UGGT2: variants seen among roughly 807,000 people sequenced by gnomAD.
UGGT2 encodes the protein UDP-glucose glycoprotein glucosyltransferase 2, also known as UDP-glucose:glycoprotein glucosyltransferase 2.
Under a neutral mutation model 192.1 loss-of-function variants are expected in UGGT2, and 180 were observed. The ratio of observed to expected loss-of-function variants is 0.94; its 90% confidence interval spans 0.83 to 1.06. The LOEUF (loss-of-function observed/expected upper bound fraction) is 1.06, where lower values mean the gene tolerates loss of function less well. Ranked by LOEUF, UGGT2 falls within the 50% of genes least tolerant of loss-of-function variation. UGGT2 has a pLI of 0.00. For synonymous variants in UGGT2, 580 were observed against 591.0 expected, an observed-to-expected ratio of 0.98 and a Z score of 0.27; for missense variants, 1,849 against 1,795.7, an observed-to-expected ratio of 1.03 and a Z score of -0.54.
chr13:95,901,196 A>G (rs1056373760), intron 21 of UGGT2, among the ~76,000 whole-genome samples: 3 of 152,104 alleles, frequency 2.0e-5, no homozygotes, highest in Admixed American at 6.6e-5. Context: ...CTACCAGACT[A>G]GTAAATTACT....
At chr13:95,919,635 A>G (rs2048786268) in intron 20 of UGGT2, among the ~76,000 whole-genome samples, 1 of 152,176 alleles carries the variant, frequency 6.6e-6, no homozygotes, top group Admixed American at 6.6e-5. Flanking sequence ...ACCTAGGAAT[A>G]TAGCTAACAA....
intron 20 of UGGT2, among the ~76,000 whole-genome samples, chr13:95,911,207 A>G (rs2048483842): frequency 6.6e-6 from 1 of 152,226 alleles, no homozygotes; most frequent in South Asian, 2.1e-4. Flanking sequence ...CACATTCAAA[A>G]GCTAGCAGAA....
At chr13:96,003,020 C>G (rs570288804) in intron 5 of UGGT2, among the ~76,000 whole-genome samples, 2 of 152,116 alleles carry the variant, frequency 1.3e-5, no homozygotes, top group Admixed American at 1.3e-4. Flanking sequence ...TCCTTAGCTG[C>G]GGTGCAACAT....
At position 95,999,303 on chromosome 13, in the gene UGGT2, G is replaced by C. The variant is rs773604195; in HGVS notation, c.665C>G (p.Pro222Arg). Residue 222 changes from proline to arginine, a missense_variant, in exon 6 of 39, where the codon CCA becomes CGA. Transcript: ENST00000376747. ...LYVLRHYIQK[P>R]SSRKMYLSGY... ...AGATAAGTACATTTTCCGTGAGCTT[G>C]GTTTCTGTTCAAACACATTTATTTT... is the stretch of plus-strand genomic sequence containing the variant. 1.2e-6 allele frequency: 2 copies of C among 1,613,150 alleles called. No individual in the cohort carries two copies. The highest frequency in any genetic ancestry group is 1.3e-5 in the African/African-American group (1 of 74,878).
At chr13:95,962,554 A>T (rs2050431851) in intron 12 of UGGT2, among the ~76,000 whole-genome samples, 1 of 152,188 alleles carries the variant, frequency 6.6e-6, no homozygotes, top group South Asian at 2.1e-4. Flanking sequence ...TCAGTAATAA[A>T]AAGTCTCCCA....
intron 20 of UGGT2, among the ~76,000 whole-genome samples, chr13:95,921,597 C>A (rs1218360832): frequency 2.0e-5 from 3 of 151,790 alleles, no homozygotes; most frequent in Non-Finnish European, 2.9e-5. Flanking sequence ...ATCAAGAGGA[C>A]AAAAACAACC....
intron 20 of UGGT2, among the ~76,000 whole-genome samples, chr13:95,924,870 A>G (rs2048971336): frequency 6.6e-6 from 1 of 152,214 alleles, no homozygotes; most frequent in Admixed American, 6.5e-5. Context: ...CTCCTGCTCC[A>G]GTGAAGCCTT....
rs146499779 is a variant in UGGT2 at position 95,825,476 on chromosome 13, C to G, written c.4528+7451G>C. ...ACTCACTCTTATCCCAGTGGTCCAGCTATTCAGGTATTTTTATCTGTAGGC... is the reference window on the plus strand; with the variant it reads ...ACTCACTCTTATCCCAGTGGTCCAGGTATTCAGGTATTTTTATCTGTAGGC... On this transcript the variant is annotated intron_variant, in intron 38 of 38. Transcript: ENST00000376747. Among the ~76,000 whole-genome samples, 21 of 152,260 alleles carry G rather than the reference C, an allele frequency of 1.4e-4. No homozygotes were observed. The East Asian group carries it at 3.7e-3, about 27-fold the overall frequency.
At chr13:95,917,650 G>A (rs529345542) in intron 20 of UGGT2, among the ~76,000 whole-genome samples, 2 of 152,148 alleles carry the variant, frequency 1.3e-5, no homozygotes, top group Non-Finnish European at 2.9e-5. Flanking sequence ...CCATCAACAC[G>A]CTGTCTTCAA....
At chr13:95,912,928 A>G (rs2048551676) in intron 20 of UGGT2, among the ~76,000 whole-genome samples, 1 of 152,218 alleles carries the variant, frequency 6.6e-6, no homozygotes, top group African/African-American at 2.4e-5. Flanking sequence ...CTCAGAAATA[A>G]TACCACACAT....
intron 11 of UGGT2, among the ~76,000 whole-genome samples, chr13:95,970,508 A>G (rs2050738592): frequency 6.6e-6 from 1 of 152,132 alleles, no homozygotes. Context: ...AACAAAGACT[A>G]TTGTATTCTT....
At chr13:95,844,402 T>C (rs1055537829) in intron 36 of UGGT2, among the ~76,000 whole-genome samples, 6 of 152,186 alleles carry the variant, frequency 3.9e-5, no homozygotes, top group East Asian at 1.9e-4. Context: ...AGTGATTAAT[T>C]TGGGGAGAAA....
At chr13:95,990,097 T>C in intron 7 of UGGT2, 24 bp from the exon 8 acceptor site, 1 of 1,482,096 alleles carries the variant, frequency 6.7e-7, no homozygotes, top group Non-Finnish European at 9.3e-7. Context: ...TTAAGTGATG[T>C]TAAGTAGCAT....
rs184573852 is a variant in UGGT2, at chr13:95,814,934, T to C, written c.4529-13122A>G. On this transcript the variant is annotated intron_variant, in intron 38 of 38. Transcript: ENST00000376747. ...ACAAGGTTGATTAAACACTGTAATG[T>C]CAATCAGTATAATTTATATATTAAC... is the stretch of plus-strand genomic sequence containing the variant. 3.9e-5 allele frequency among the ~76,000 whole-genome samples: 6 copies of C among 152,320 alleles called. No homozygotes were observed. In the East Asian group the frequency reaches 1.2e-3, roughly 29 times the overall value.
intron 38 of UGGT2, among the ~76,000 whole-genome samples, chr13:95,831,440 C>T (rs1409215887): frequency 6.6e-6 from 1 of 151,924 alleles, no homozygotes; most frequent in Middle Eastern, 3.2e-3. Flanking sequence ...ATGCTGCCAG[C>T]ACAAATACAT....
At chr13:95,845,233 T>G (rs1888275173) in intron 36 of UGGT2, among the ~76,000 whole-genome samples, 1 of 151,888 alleles carries the variant, frequency 6.6e-6, no homozygotes, top group African/African-American at 2.4e-5. Flanking sequence ...AGAGCGGGAT[T>G]TGGCGGGGTC....
intron 4 of UGGT2, 77 bp from the exon 5 acceptor site, chr13:96,013,558 AT>A: frequency 1.0e-6 from 1 of 978,994 alleles, no homozygotes; most frequent in Non-Finnish European, 1.4e-6. Context: ...ATTACTGCTT[AT>A]CAAACAATTC....
chr13:95,841,161 AC>A (rs1331212500), intron 36 of UGGT2, among the ~76,000 whole-genome samples: 2 of 152,296 alleles, frequency 1.3e-5, no homozygotes, highest in East Asian at 3.9e-4. Context: ...GCACATGTAT[AC>A]CTACGTAACA....
chr13:95,921,478 CTG>C (rs1480285397), intron 20 of UGGT2, among the ~76,000 whole-genome samples: 1 of 151,956 alleles, frequency 6.6e-6, no homozygotes, highest in Non-Finnish European at 1.5e-5. Flanking sequence ...GAGATTCACA[CTG>C]TGAATTTTTT....
Sources: gnomAD v4.1 joint callset for allele counts (sites outside exome capture counted in the v4.1 genomes callset) on GRCh38, gnomAD v4.1.1 for gene constraint, MANE v1.5 for transcripts, NCBI Gene and HGNC (gene_info 2026-07-23, HGNC 2026-07-21) for gene names.